EXTL2: variants seen among roughly 807,000 people sequenced by gnomAD.
The protein encoded by EXTL2 is exostosin like glycosyltransferase 2, also known as exostosin-like 2.
In EXTL2, 23 loss-of-function variants were observed where a neutral mutation model predicts 30.7. The ratio of observed to expected loss-of-function variants is 0.75; its 90% CI spans 0.54 to 1.06. The LOEUF (loss-of-function observed/expected upper bound fraction) is 1.06. Among genes scored for constraint, EXTL2 ranks in the 50% least tolerant of loss-of-function variants. EXTL2 has a pLI of 0.00. For missense variants in EXTL2, 352 were observed against 396.3 expected (o/e 0.89, Z 0.95); for synonymous variants, 123 against 133.8 (o/e 0.92, Z 0.56).
In EXTL2 at chr1:100,877,846, T is replaced by C. The variant is rs1475168030; in HGVS notation, c.63A>G (p.Leu21=). 5.6e-6 allele frequency: 9 copies of C among 1,600,944 alleles called. No homozygotes were observed. Reference sequence around the variant, plus strand: ...ATAATACGAGGATGACCACCAAAGATAATCGAAGCACTCGAATCCCCATTA... The same window carrying C: ...ATAATACGAGGATGACCACCAAAGACAATCGAAGCACTCGAATCCCCATTA... ...GRVMGIRVLR[L]SLVVILVLLL... The change falls in exon 3 of 5, where the codon TTA becomes TTG. Residue 21 remains leucine (L), a synonymous_variant. Transcript: ENST00000370114. This position sits in a 1 kb window ranked among gnomAD's most constrained non-coding sequence, Gnocchi z 4.1.
intron 2 of EXTL2, 36 bp downstream of exon 2, chr1:100,888,717 A>G (rs1650168329): frequency 8.0e-7 from 1 of 1,253,078 alleles, no homozygotes; most frequent in Non-Finnish European, 1.2e-6. Flanking sequence ...GTATTTTACA[A>G]CAGTTAAACA....
chr1:100,890,244 G>A (rs1428210808), intron 1 of EXTL2, among the ~76,000 whole-genome samples: 3 of 152,192 alleles, frequency 2.0e-5, no homozygotes, highest in Non-Finnish European at 2.9e-5. Context: ...GCTGTATGTT[G>A]GCCCCTTTTA....
At chr1:100,887,423 A>T (rs1230938773) in intron 2 of EXTL2, among the ~76,000 whole-genome samples, 2 of 152,236 alleles carry the variant, frequency 1.3e-5, no homozygotes, top group East Asian at 3.8e-4. Context: ...CTAAGTACTA[A>T]GGGATGGTAG....
chr1:100,888,838 T>A lies in EXTL2; in HGVS notation c.-71-10A>T. ...GCAGGCTCACTTGTCACTATTAAGATAAATCAAAGAATTTTCTGTGATGTT... is the reference window on the plus strand; with the variant it reads ...GCAGGCTCACTTGTCACTATTAAGAAAAATCAAAGAATTTTCTGTGATGTT... On this transcript the variant is annotated splice_polypyrimidine_tract_variant and intron_variant, in intron 1 of 4. Coordinates refer to ENST00000370114, the MANE Select transcript of EXTL2 (RefSeq NM_001033025.3). The A allele has an allele frequency of 9.5e-7, 1 of 1,051,300 alleles. No individual in the cohort carries two copies. The highest frequency in any genetic ancestry group is 1.4e-6 in the Non-Finnish European group (1 of 736,166). The allele number at this position is 1,051,300 out of a possible 1,614,324, so 65.1% of individuals were successfully genotyped here. A position where few individuals can be genotyped will look rare whatever the true frequency, so the allele number is the denominator to read the frequency against.
At position 100,873,867 on chromosome 1, in the gene EXTL2, T is replaced by C; in HGVS notation, c.*75A>G. On this transcript the variant is annotated 3_prime_UTR_variant, in exon 5 of 5. Transcript: ENST00000370114. ...GAGTAGATAAAATTCATGATGTTGC[T>C]TAAAAAAATACATAGCATGGAGAAG... 6.9e-7 allele frequency: 1 copy of C among 1,442,160 alleles called. No individual in the cohort carries two copies. Among genetic ancestry groups the C allele is most frequent in the Non-Finnish European group, 9.3e-7 (1 of 1,074,028 alleles). 89.3% of individuals were successfully genotyped at this position (1,442,160 alleles called of 1,614,324 possible).
chr1:100,893,459 A>AC lies in EXTL2; in HGVS notation c.-72+1173_-72+1174insG, dbSNP rs1557964453. 1.5e-3 allele frequency among the ~76,000 whole-genome samples: 234 copies of AC among 152,254 alleles called. 1 individual carries two copies. The highest frequency in any genetic ancestry group is 5.2e-3 in the African/African-American group (215 of 41,526). ...AAGACGAGACTGATTTGCCTGTCACAACCCCCCCCTTTCTTCATAACTACT... is the reference window on the plus strand; with the variant it reads ...AAGACGAGACTGATTTGCCTGTCACACACCCCCCCCTTTCTTCATAACTACT... On this transcript the variant is annotated intron_variant, in intron 1 of 4. Transcript: ENST00000370114.
rs1648802372 is a variant in EXTL2 at position 100,872,833 on chromosome 1, G to A, written c.*1109C>T. On this transcript the variant is annotated 3_prime_UTR_variant, in exon 5 of 5. Transcript: ENST00000370114. The stretch of plus-strand genomic sequence containing the variant: ...CACAGACGCTAATTCACATAACAGA[G>A]AGTAGGCAACCTTAAGAATGAATTG... The A allele has an allele frequency of 6.6e-6, 1 of 152,016 alleles. No individual in the cohort carries two copies. The highest frequency in any genetic ancestry group is 2.1e-4 in the South Asian group (1 of 4,814). The allele number at this position is 152,016 out of a possible 1,614,324, so 9.4% of individuals were successfully genotyped here. A position where few individuals can be genotyped will look rare whatever the true frequency, so the allele number is the denominator to read the frequency against.
At chr1:100,888,159 C>T (rs1650128628) in intron 2 of EXTL2, among the ~76,000 whole-genome samples, 2 of 152,158 alleles carry the variant, frequency 1.3e-5, no homozygotes, top group African/African-American at 4.8e-5. Context: ...AAGATTTTGG[C>T]TTAAGTAAGA....
rs1648827202 is a variant in EXTL2 at position 100,873,113 on chromosome 1, C to G, written c.*829G>C. ...TTTTTTTCAGGTTTTTTATACATTT[C>G]TTAAACAACACATACATTATGTAAA... On this transcript the variant is annotated 3_prime_UTR_variant, in exon 5 of 5. Coordinates refer to ENST00000370114, the MANE Select transcript of EXTL2 (RefSeq NM_001033025.3). 1.3e-5 allele frequency: 2 copies of G among 151,910 alleles called. No homozygotes were observed. Among genetic ancestry groups the G allele is most frequent in the Admixed American group, 1.3e-4 (2 of 15,226 alleles). The allele number at this position is 151,910 out of a possible 1,614,324, so 9.4% of individuals were successfully genotyped here.
rs376610407 is a variant in EXTL2, at chr1:100,872,449, CCAAT to C, written c.*1489_*1492del. ...AATCATAAGAGGCAAAAAAGTACTA[CCAAT>C]ATTGGACAAAACAGATAACTGACAT... On this transcript the variant is annotated 3_prime_UTR_variant, in exon 5 of 5. Coordinates refer to ENST00000370114, the MANE Select transcript of EXTL2 (RefSeq NM_001033025.3). The C allele has an allele frequency of 8.9e-4, 135 of 152,396 alleles. No homozygotes were observed. Among genetic ancestry groups the C allele is most frequent in the African/African-American group, 3.2e-3 (133 of 41,456 alleles). 9.4% of individuals were successfully genotyped at this position (152,396 alleles called of 1,614,324 possible).
chr1:100,875,498 C>T (rs1391040462), intron 4 of EXTL2, among the ~76,000 whole-genome samples: 1 of 151,734 alleles, frequency 6.6e-6, no homozygotes, highest in Admixed American at 6.6e-5. Flanking sequence ...GCTATTTATA[C>T]AATCTAGGAG....
rs80119413 is a variant in EXTL2 at position 100,874,464 on chromosome 1, C to A, written c.505-34G>T. 10,022 of 1,508,364 alleles carry A rather than the reference C, an allele frequency of 6.6e-3. 459 individuals are homozygous for A. In the African/African-American group the frequency reaches 0.1, roughly 16 times the overall value. 93.4% of individuals were successfully genotyped at this position (1,508,364 alleles called of 1,614,324 possible). On this transcript the variant is annotated intron_variant, in intron 4 of 4. Coordinates refer to ENST00000370114, the MANE Select transcript of EXTL2 (RefSeq NM_001033025.3). ...AGGGAAAAAGAACAATAAAATGTCA[C>A]ATATTTTTAGAGAAGACATAGTGAA...
intron 1 of EXTL2, among the ~76,000 whole-genome samples, chr1:100,890,376 G>T (rs1318151306): frequency 6.6e-6 from 1 of 152,218 alleles, no homozygotes; most frequent in African/African-American, 2.4e-5. Context: ...GGGAGAAGCT[G>T]CTGTGAAGGT....
rs751085395 is a variant in EXTL2, at chr1:100,874,028, T to TATTA, written c.903_906dup (p.Ile303Ter). On this transcript the variant is annotated stop_gained and frameshift_variant, in exon 5 of 5. Coordinates refer to ENST00000370114, the MANE Select transcript of EXTL2 (RefSeq NM_001033025.3). LOFTEE classifies it high-confidence loss of function. The stretch of plus-strand genomic sequence containing the variant: ...TATCTTAAGGGCATGCTATCATAGA[T>TATTA]ATTAACAAGCTTATTTATACAATAA... 6.2e-7 allele frequency: 1 copy of TATTA among 1,613,048 alleles called. No homozygotes were observed. Among genetic ancestry groups the TATTA allele is most frequent in the South Asian group, 1.1e-5 (1 of 91,014 alleles).
intron 2 of EXTL2, among the ~76,000 whole-genome samples, chr1:100,878,721 T>C (rs555386683): frequency 1.3e-5 from 2 of 152,220 alleles, no homozygotes; most frequent in African/African-American, 4.8e-5. Flanking sequence ...ATTATTATTA[T>C]TCCCATTTAA....
Position 100,889,196 on chromosome 1 carries a change from G to C in EXTL2, c.-71-368C>G, listed in dbSNP as rs186325862. ...TATGACCATCACGGAAGATGAAGCA[G>C]GCACCTTCTTTACAAGGGGGCAGGA... On this transcript the variant is annotated intron_variant, in intron 1 of 4. Coordinates refer to ENST00000370114, the MANE Select transcript of EXTL2 (RefSeq NM_001033025.3). Among the ~76,000 whole-genome samples, 154 of 152,308 alleles carry C rather than the reference G, an allele frequency of 1.0e-3. 1 individual carries two copies. Among genetic ancestry groups the C allele is most frequent in the African/African-American group, 3.6e-3 (149 of 41,558 alleles).
At chr1:100,876,227 G>A (rs916899250) in intron 4 of EXTL2, among the ~76,000 whole-genome samples, 4 of 152,014 alleles carry the variant, frequency 2.6e-5, no homozygotes, top group African/African-American at 9.7e-5. Context: ...TTCAATAGGA[G>A]AGAGCGGCTT....
rs1271145477 is a variant in EXTL2, at chr1:100,877,789, A to G, written c.120T>C (p.Leu40=). The G allele has an allele frequency of 1.9e-6, 3 of 1,611,052 alleles. No homozygotes were observed. Among genetic ancestry groups the G allele is most frequent in the Non-Finnish European group, 2.5e-6 (3 of 1,179,662 alleles). The change falls in exon 3 of 5, where the codon CTT becomes CTC. Residue 40 remains leucine, a synonymous_variant. Coordinates refer to ENST00000370114, the MANE Select transcript of EXTL2 (RefSeq NM_001033025.3). The surrounding 1 kb of genome is among the most constrained non-coding windows in gnomAD (Gnocchi z 4.1). ...GCATCTTGTCTTCTTTAACACTGGGAAGTAAGGCAGTCAAAGCACCAGCTA... is the reference window on the plus strand; with the variant it reads ...GCATCTTGTCTTCTTTAACACTGGGGAGTAAGGCAGTCAAAGCACCAGCTA... ...LLVAGALTAL[L]PSVKEDKMLM...
At chr1:100,878,794 G>A (rs1649330769) in intron 2 of EXTL2, among the ~76,000 whole-genome samples, 1 of 151,998 alleles carries the variant, frequency 6.6e-6, no homozygotes, top group African/African-American at 2.4e-5. Flanking sequence ...TTCAGTAATA[G>A]TGCTAGGATT....
Sources: gnomAD v4.1 joint callset for allele counts (sites outside exome capture counted in the v4.1 genomes callset) on GRCh38, gnomAD v4.1.1 for gene constraint, Gnocchi (gnomAD v3.1) non-coding constraint, MANE v1.5 for transcripts, NCBI Gene and HGNC (gene_info 2026-07-23, HGNC 2026-07-21) for gene names.